QSOX2: variants seen among roughly 807,000 people sequenced by gnomAD.
QSOX2 encodes sulfhydryl oxidase 2.
QSOX2 carries 46 observed loss-of-function variants against 61.7 expected under a neutral mutation model. That is an observed-to-expected ratio of 0.75 (90% CI 0.59 to 0.95). The LOEUF (loss-of-function observed/expected upper bound fraction) is 0.95. Among genes scored for constraint, QSOX2 ranks in the 40% least tolerant of loss-of-function variants. The pLI is 0.00. For missense variants in QSOX2, 879 were observed against 918.9 expected (o/e 0.96, Z 0.56); for synonymous variants, 383 against 388.4 (o/e 0.99, Z 0.16).
At position 136,208,860 on chromosome 9, in the gene QSOX2, G is replaced by A. The variant is rs1831809647; in HGVS notation, c.1965C>T (p.Asp655=). 6.2e-7 allele frequency: 1 copy of A among 1,614,054 alleles called. No homozygotes were observed. Among genetic ancestry groups the A allele is most frequent in the Non-Finnish European group, 8.5e-7 (1 of 1,180,036 alleles). ...AGAGACTCATGTCCAGGCTGGAGAA[G>A]TCAACCCCGAGGAAGGGTGCGGCCC... ...VGGAAPFLGV[D]FSSLDMSLCV... The change falls in exon 12 of 12, where the codon GAC becomes GAT. Residue 655 remains aspartate, a synonymous_variant. Transcript: ENST00000358701.
intron 1 of QSOX2, among the ~76,000 whole-genome samples, chr9:136,240,032 A>C (rs943209978): frequency 2.0e-5 from 3 of 152,186 alleles, no homozygotes; most frequent in African/African-American, 7.2e-5. Context: ...TGAACCTCTA[A>C]AGCAGAATGC....
chr9:136,241,906 C>T (rs1830436372), intron 1 of QSOX2, among the ~76,000 whole-genome samples: 1 of 152,238 alleles, frequency 6.6e-6, no homozygotes. Flanking sequence ...CGCACGGGGA[C>T]ACAGGCCCTG....
Position 136,209,137 on chromosome 9 carries a change from C to G in QSOX2, c.1688G>C (p.Gly563Ala). 1 of 1,614,210 alleles carries G rather than the reference C, an allele frequency of 6.2e-7. No individual in the cohort carries two copies. The highest frequency in any genetic ancestry group is 8.5e-7 in the Non-Finnish European group (1 of 1,180,044). Residue 563 changes from glycine to alanine, a missense_variant, in exon 12 of 12, where the codon GGC becomes GCC. Gly to Ala is a moderately conservative substitution (Grantham distance 60). Coordinates refer to ENST00000358701, the MANE Select transcript of QSOX2 (RefSeq NM_181701.4). This position sits in a 1 kb window ranked among gnomAD's most constrained non-coding sequence, Gnocchi z 5.6. ...HVLTFLKQHY[G>A]RDNLLDTYSA... ...ATACGTGTCTAAGAGGTTGTCGCGGCCATAGTGCTGCTTCAAGAATGTGAG... is the reference window on the plus strand; with the variant it reads ...ATACGTGTCTAAGAGGTTGTCGCGGGCATAGTGCTGCTTCAAGAATGTGAG...
At chr9:136,230,994 C>T (rs1299644229) in intron 1 of QSOX2, among the ~76,000 whole-genome samples, 1 of 152,226 alleles carries the variant, frequency 6.6e-6, no homozygotes, top group Admixed American at 6.5e-5. Flanking sequence ...CTTCCCTGAC[C>T]CCCTGCCCAG....
At position 136,221,613 on chromosome 9, in the gene QSOX2, G is replaced by A. The variant is rs984451327; in HGVS notation, c.821+183C>T. On this transcript the variant is annotated intron_variant, in intron 6 of 11. Coordinates refer to ENST00000358701, the MANE Select transcript of QSOX2 (RefSeq NM_181701.4). The surrounding 1 kb of genome is among the most constrained non-coding windows in gnomAD (Gnocchi z 4.5). ...CAGCAGTGAGAAAACAGAAATCCAC[G>A]AAAACACAGCACAGATCAGCAATAC... Among the ~76,000 whole-genome samples, 51 of 152,180 alleles carry A rather than the reference G, an allele frequency of 3.4e-4. No homozygotes were observed. Among genetic ancestry groups the A allele is most frequent in the African/African-American group, 1.1e-3 (47 of 41,446 alleles).
At chr9:136,241,391 C>G (rs566653763) in intron 1 of QSOX2, among the ~76,000 whole-genome samples, 1 of 152,200 alleles carries the variant, frequency 6.6e-6, no homozygotes, top group Non-Finnish European at 1.5e-5. Flanking sequence ...GGACAATGAG[C>G]CTGTGGGGAA....
chr9:136,240,350 AAAAGTCTACAG>A (rs1830424558), intron 1 of QSOX2, among the ~76,000 whole-genome samples: 1 of 152,244 alleles, frequency 6.6e-6, no homozygotes, highest in African/African-American at 2.4e-5. Flanking sequence ...GTTCTAATGA[AAAAGTCTACAG>A]AAGTCTAATG....
intron 1 of QSOX2, among the ~76,000 whole-genome samples, chr9:136,231,802 GGCAGAT>G (rs1830332627): frequency 6.6e-6 from 1 of 152,194 alleles, no homozygotes; most frequent in Non-Finnish European, 1.5e-5. Context: ...GCCCCTACTT[GGCAGAT>G]GAGGACACCG....
intron 1 of QSOX2, among the ~76,000 whole-genome samples, chr9:136,231,935 T>A (rs1043721342): frequency 1.5e-5 from 1 of 67,516 alleles, no homozygotes; most frequent in Non-Finnish European, 2.8e-5. Flanking sequence ...CTCCGCCTCC[T>A]CCGCAGGTCC....
In QSOX2 at chr9:136,224,141, G is replaced by C. The variant is rs372821761; in HGVS notation, c.479-29C>G. 2.7e-5 allele frequency: 42 copies of C among 1,572,068 alleles called. No individual in the cohort carries two copies. In the African/African-American group the frequency reaches 5.5e-4, roughly 21 times the overall value. On this transcript the variant is annotated intron_variant, in intron 3 of 11. Coordinates refer to ENST00000358701, the MANE Select transcript of QSOX2 (RefSeq NM_181701.4). ...CCGGAAGCACACCAGGGTCAGAGCTGTGTGTGCGGCTGTCCTCGTGGGGCA... is the reference window on the plus strand; with the variant it reads ...CCGGAAGCACACCAGGGTCAGAGCTCTGTGTGCGGCTGTCCTCGTGGGGCA...
In QSOX2 at chr9:136,245,727, G is replaced by A. The variant is rs1830469236; in HGVS notation, c.77C>T (p.Pro26Leu). 7.9e-6 allele frequency: 9 copies of A among 1,142,284 alleles called. No homozygotes were observed. Among genetic ancestry groups the A allele is most frequent in the Non-Finnish European group, 8.6e-6 (8 of 931,400 alleles). 70.8% of individuals were successfully genotyped at this position (1,142,284 alleles called of 1,614,324 possible). Residue 26 changes from proline to leucine, a missense_variant, in exon 1 of 12, where the codon CCC (proline) becomes CTC (leucine). Pro to Leu is a moderately conservative substitution (Grantham distance 98). Coordinates refer to ENST00000358701, the MANE Select transcript of QSOX2 (RefSeq NM_181701.4). ...AGPALRARRS[P>L]PPRAARLPRL... ...CGGCAGCCGTGCGGCCCGCGGCGGG[G>A]GCGAGCGCCGGGCTCTCAGCGCAGG...
chr9:136,223,805 C>A lies in QSOX2; in HGVS notation c.633G>T (p.Val211=), dbSNP rs960399499. ...AGCTGTTGCTTTCAAAGACAATAGC[C>A]ACGTAATGGCTGCCACGGTTGTCAA... ...SLLDNRGSHY[V]AIVFESNSSY... Residue 211 remains valine (V), a synonymous_variant, in exon 5 of 12, where the codon GTG becomes GTT. Transcript: ENST00000358701. The surrounding 1 kb of genome is among the most constrained non-coding windows in gnomAD (Gnocchi z 4.4). 8 of 1,613,948 alleles carry A rather than the reference C, an allele frequency of 5.0e-6. No individual in the cohort carries two copies. The African/African-American group carries it at 9.3e-5, about 19-fold the overall frequency.
intron 1 of QSOX2, among the ~76,000 whole-genome samples, chr9:136,233,324 CT>C (rs1392611744): frequency 1.3e-5 from 2 of 152,210 alleles, no homozygotes; most frequent in Admixed American, 6.5e-5. Flanking sequence ...CTGAATGCCC[CT>C]GGCCACGAAG....
chr9:136,229,914 G>C (rs1830315274), intron 1 of QSOX2, among the ~76,000 whole-genome samples: 1 of 152,212 alleles, frequency 6.6e-6, no homozygotes, highest in South Asian at 2.1e-4. Flanking sequence ...AGCGACCGTG[G>C]AACTCTCCCG....
intron 1 of QSOX2, among the ~76,000 whole-genome samples, chr9:136,237,124 C>T (rs1830391546): frequency 7.4e-6 from 1 of 135,998 alleles, no homozygotes; most frequent in Admixed American, 7.4e-5. Context: ...ACCTGGAGCC[C>T]ATCCTGGGCC....
intron 1 of QSOX2, among the ~76,000 whole-genome samples, chr9:136,228,745 G>A (rs1254006857): frequency 6.6e-6 from 1 of 152,248 alleles, no homozygotes; most frequent in Non-Finnish European, 1.5e-5. Context: ...ACAGCCTTGT[G>A]ACCGGAAGCC....
chr9:136,220,508 C>T (rs1831967651), intron 6 of QSOX2, among the ~76,000 whole-genome samples: 1 of 152,212 alleles, frequency 6.6e-6, no homozygotes, highest in South Asian at 2.1e-4. Context: ...TCACCAAGAG[C>T]CGCAGAGTCA....
intron 6 of QSOX2, among the ~76,000 whole-genome samples, chr9:136,219,668 C>T (rs1338946540): frequency 5.3e-5 from 8 of 152,146 alleles, no homozygotes; most frequent in African/African-American, 1.7e-4. Context: ...TGTGTGCCCA[C>T]GCTGTGTGGA....
chr9:136,221,902 T>C lies in QSOX2; in HGVS notation c.715A>G (p.Thr239Ala). ...DLIPYESIVV[T>A]RALDGDKAFL... is the part of the protein sequence containing the mutation. ...GCTTTGTCCCCGTCCAGTGCTCGGG[T>C]CACCACGATGCTTTCATACGGGATC... Residue 239 changes from threonine to alanine, a missense_variant, in exon 6 of 12, where the codon ACC (threonine) becomes GCC (alanine). Thr to Ala is a moderately conservative substitution (Grantham distance 58). Coordinates refer to ENST00000358701, the MANE Select transcript of QSOX2 (RefSeq NM_181701.4). This position sits in a 1 kb window ranked among gnomAD's most constrained non-coding sequence, Gnocchi z 4.5. 2.5e-6 allele frequency: 4 copies of C among 1,610,782 alleles called. No homozygotes were observed. Among genetic ancestry groups the C allele is most frequent in the Non-Finnish European group, 3.4e-6 (4 of 1,178,424 alleles).
Sources: allele counts gnomAD v4.1 joint callset (sites outside exome capture counted in the v4.1 genomes callset), GRCh38; gene constraint gnomAD v4.1.1; non-coding constraint Gnocchi (gnomAD v3.1); transcripts MANE v1.5; gene names NCBI Gene and HGNC (gene_info 2026-07-23, HGNC 2026-07-21).